Variants in MYO1B observed in about 807,000 individuals in gnomAD.
MYO1B encodes the protein unconventional myosin-Ib.
In MYO1B, 72 loss-of-function variants were observed where a neutral mutation model predicts 159.7. That is an observed-to-expected ratio of 0.45 (90% confidence interval 0.37 to 0.55). MYO1B has a LOEUF of 0.55. Among genes scored for constraint, MYO1B ranks in the 20% least tolerant of loss-of-function variants. The pLI is 0.00. For missense variants in MYO1B, 1,062 were observed against 1,364.8 expected, an observed-to-expected ratio of 0.78 and a Z score of 3.50; for synonymous variants, 468 against 473.8, an observed-to-expected ratio of 0.99 and a Z score of 0.16.
intron 5 of MYO1B, among the ~76,000 whole-genome samples, chr2:191,344,229 C>A (rs960090385): frequency 6.6e-6 from 1 of 152,168 alleles, no homozygotes; most frequent in Admixed American, 6.5e-5. Flanking sequence ...GAAATGTCAT[C>A]GTCTTCATGA....
chr2:191,324,198 C>T (rs991092735), intron 3 of MYO1B, among the ~76,000 whole-genome samples: 4 of 152,108 alleles, frequency 2.6e-5, no homozygotes, highest in African/African-American at 9.7e-5. Context: ...TTCATTCTTA[C>T]ATTCTCTGCC....
At chr2:191,387,814 C>T (rs1430091161) in intron 17 of MYO1B, 3 of 307,196 alleles carry the variant, frequency 9.8e-6, no homozygotes, top group African/African-American at 4.4e-5. Flanking sequence ...TTGTTGGCTT[C>T]ATTTGGGATT....
chr2:191,338,674 C>T (rs186844127), intron 4 of MYO1B, among the ~76,000 whole-genome samples: 1 of 152,198 alleles, frequency 6.6e-6, no homozygotes, highest in East Asian at 1.9e-4. Context: ...CAGTTGTCCT[C>T]TAAGTTCATC....
Position 191,385,899 on chromosome 2 carries a change from C to T in MYO1B, c.1369C>T (p.Leu457=), listed in dbSNP as rs141271478. ...GTTTTCCCAGAACACAAATGGAATCCTGGCCATGCTGGATGAAGAGTGCCT... is the reference window on the plus strand; with the variant it reads ...GTTTTCCCAGAACACAAATGGAATCTTGGCCATGCTGGATGAAGAGTGCCT... ...DLIENNTNGI[L]AMLDEECLRP... Residue 457 remains leucine (L), a synonymous_variant, in exon 16 of 31, where the codon CTG becomes TTG. Coordinates refer to ENST00000392318, the MANE Select transcript of MYO1B (RefSeq NM_001130158.3). 39 of 1,613,942 alleles carry T rather than the reference C, an allele frequency of 2.4e-5. No individual in the cohort carries two copies. In the African/African-American group the frequency reaches 4.4e-4, roughly 18 times the overall value.
chr2:191,313,879 C>G (rs1026769520), intron 3 of MYO1B, among the ~76,000 whole-genome samples: 1 of 152,192 alleles, frequency 6.6e-6, no homozygotes, highest in Non-Finnish European at 1.5e-5. Flanking sequence ...TCTTCATTGG[C>G]CAGTGCATAG....
chr2:191,260,230 A>G (rs1686713326), intron 1 of MYO1B, among the ~76,000 whole-genome samples: 1 of 87,246 alleles, frequency 1.1e-5, no homozygotes, highest in Admixed American at 1.5e-4. Context: ...TGGAGGGTAT[A>G]ATATTACTTT....
rs368973999 is a variant in MYO1B at position 191,393,058 on chromosome 2, A to G, written c.2077-15A>G. On this transcript the variant is annotated splice_polypyrimidine_tract_variant and intron_variant, in intron 19 of 30. Coordinates refer to ENST00000392318, the MANE Select transcript of MYO1B (RefSeq NM_001130158.3). ...CAGAGGATTTTTGATAAGTCCATCTATCATTTCTTATTAGTTATTCAAATT... is the reference window on the plus strand; with the variant it reads ...CAGAGGATTTTTGATAAGTCCATCTGTCATTTCTTATTAGTTATTCAAATT... 76 of 1,610,306 alleles carry G rather than the reference A, an allele frequency of 4.7e-5. No individual in the cohort carries two copies. The African/African-American group carries it at 9.4e-4, about 20-fold the overall frequency.
chr2:191,381,396 AGT>A, intron 13 of MYO1B, 64 bp from the exon 14 acceptor site: 1 of 1,086,520 alleles, frequency 9.2e-7, no homozygotes, highest in Non-Finnish European at 1.4e-6. Flanking sequence ...GAGATGTCTG[AGT>A]GTCATTGTTT....
At chr2:191,297,089 A>G (rs1339372973) in intron 3 of MYO1B, among the ~76,000 whole-genome samples, 2 of 152,180 alleles carry the variant, frequency 1.3e-5, no homozygotes, top group Non-Finnish European at 2.9e-5. Context: ...CTTATGTTAC[A>G]TTTACTGATT....
At chr2:191,337,209 T>C (rs1691912353) in intron 4 of MYO1B, among the ~76,000 whole-genome samples, 1 of 152,198 alleles carries the variant, frequency 6.6e-6, no homozygotes, top group East Asian at 1.9e-4. Flanking sequence ...TTTCCTTGAA[T>C]TGTTTTCCCT....
chr2:191,418,636 T>C (rs1009118421), intron 30 of MYO1B, among the ~76,000 whole-genome samples: 3 of 151,970 alleles, frequency 2.0e-5, no homozygotes, highest in African/African-American at 4.8e-5. Flanking sequence ...ATTACAGGCA[T>C]GCACCACCAC....
intron 24 of MYO1B, among the ~76,000 whole-genome samples, chr2:191,404,005 C>G (rs1373658674): frequency 2.0e-5 from 3 of 152,150 alleles, no homozygotes; most frequent in Non-Finnish European, 2.9e-5. Flanking sequence ...CTAGACATAA[C>G]TTTTTTCCTC....
chr2:191,322,061 G>C lies in MYO1B; in HGVS notation c.252-7874G>C, dbSNP rs574666465. 3.9e-5 allele frequency among the ~76,000 whole-genome samples: 6 copies of C among 152,286 alleles called. No homozygotes were observed. In the East Asian group the frequency reaches 1.2e-3, roughly 29 times the overall value. ...TGCTTCATTAATTTGTGAGATAACA[G>C]CCTGCAGTAGCAAGGGCAGATAAAG... is the stretch of plus-strand genomic sequence containing the variant. On this transcript the variant is annotated intron_variant, in intron 3 of 30. Transcript: ENST00000392318.
intron 6 of MYO1B, among the ~76,000 whole-genome samples, chr2:191,347,934 C>T (rs986807642): frequency 6.6e-6 from 1 of 152,192 alleles, no homozygotes; most frequent in Non-Finnish European, 1.5e-5. Flanking sequence ...ACTGAGTAGT[C>T]TGATAGACCC....
chr2:191,327,975 G>A (rs1691213109), intron 3 of MYO1B, among the ~76,000 whole-genome samples: 1 of 152,248 alleles, frequency 6.6e-6, no homozygotes, highest in Non-Finnish European at 1.5e-5. Flanking sequence ...TCTCACAGTA[G>A]TTCAGCTGGA....
chr2:191,248,933 T>C (rs13407004), intron 1 of MYO1B, among the ~76,000 whole-genome samples: 2,925 of 152,346 alleles, frequency 0.019, 92 homozygotes, highest in African/African-American at 0.066. Flanking sequence ...AAGCCCAGGT[T>C]AGGACATTAC....
intron 2 of MYO1B, among the ~76,000 whole-genome samples, chr2:191,278,305 A>G (rs558976964): frequency 1.4e-4 from 22 of 152,340 alleles, no homozygotes; most frequent in Non-Finnish European, 2.5e-4. Context: ...AAGGGCACTA[A>G]TCCCATTCAT....
At chr2:191,378,283 TTTTTTTC>T (rs929029866) in intron 13 of MYO1B, among the ~76,000 whole-genome samples, 8 of 136,150 alleles carry the variant, frequency 5.9e-5, no homozygotes, top group South Asian at 4.1e-4. Flanking sequence ...GCATGTTTTC[TTTTTTTC>T]TTTTTTCTTT....
chr2:191,370,635 T>C (rs1428256348), intron 13 of MYO1B, among the ~76,000 whole-genome samples: 1 of 152,204 alleles, frequency 6.6e-6, no homozygotes, highest in African/African-American at 2.4e-5. Flanking sequence ...ACCGTGAGGC[T>C]TCCAACAAGC....
Sources: allele counts gnomAD v4.1 joint callset (sites outside exome capture counted in the v4.1 genomes callset), GRCh38; gene constraint gnomAD v4.1.1; transcripts MANE v1.5; gene names NCBI Gene and HGNC (gene_info 2026-07-23, HGNC 2026-07-21).